GALNT10: variants seen among roughly 807,000 people sequenced by gnomAD.
GALNT10 encodes the protein GalNAc transferase 10.
A neutral mutation model predicts 75.0 loss-of-function variants in GALNT10; 41 were observed. The observed-to-expected ratio is 0.55, with a 90% CI of 0.43 to 0.71. GALNT10 has a LOEUF of 0.71. Among genes scored for constraint, GALNT10 ranks in the 30% least tolerant of loss-of-function variants. The probability of loss-of-function intolerance (pLI) is 0.00; values close to 1 mark genes in which losing one functional copy is unlikely to be tolerated. For missense variants in GALNT10, 727 were observed against 818.5 expected (o/e 0.89, Z 1.36); for synonymous variants, 302 against 313.0 (o/e 0.96, Z 0.37).
chr5:154,300,522 T>C (rs774027467), intron 3 of GALNT10, among the ~76,000 whole-genome samples: 7 of 152,108 alleles, frequency 4.6e-5, no homozygotes, highest in Non-Finnish European at 1.0e-4. Context: ...ATAATGAGGG[T>C]TGAGAATCAC....
chr5:154,412,334 A>G lies in GALNT10; in HGVS notation c.1387-555A>G, dbSNP rs897719091. Among the ~76,000 whole-genome samples the G allele has an allele frequency of 1.3e-5, 2 of 152,094 alleles. No individual in the cohort carries two copies. Among genetic ancestry groups the G allele is most frequent in the Non-Finnish European group, 2.9e-5 (2 of 67,992 alleles). Reference sequence around the variant, plus strand: ...AGACTCCTAGCCCAGTGCTCTTCCCACCACACCCGTCTTCATGGTTGAAGG... The same window carrying G: ...AGACTCCTAGCCCAGTGCTCTTCCCGCCACACCCGTCTTCATGGTTGAAGG... On this transcript the variant is annotated intron_variant, in intron 9 of 11. Coordinates refer to ENST00000297107, the MANE Select transcript of GALNT10 (RefSeq NM_198321.4). The surrounding 1 kb of genome is among the most constrained non-coding windows in gnomAD (Gnocchi z 4.2).
intron 1 of GALNT10, among the ~76,000 whole-genome samples, chr5:154,206,297 G>T (rs1252818950): frequency 6.6e-6 from 1 of 152,158 alleles, no homozygotes. Flanking sequence ...TAAACACATG[G>T]TACATACTGC....
At chr5:154,241,644 G>A (rs1002245065) in intron 1 of GALNT10, among the ~76,000 whole-genome samples, 25 of 151,936 alleles carry the variant, frequency 1.6e-4, no homozygotes, top group Non-Finnish European at 2.6e-4. Context: ...ATTGTGAATA[G>A]GAATTATTTT....
At chr5:154,379,589 C>A (rs985154142) in intron 5 of GALNT10, among the ~76,000 whole-genome samples, 3 of 152,210 alleles carry the variant, frequency 2.0e-5, no homozygotes, top group Admixed American at 6.5e-5. Flanking sequence ...TGTTACCCCC[C>A]AGCTGTGGTC....
chr5:154,231,401 A>G (rs997753602), intron 1 of GALNT10, among the ~76,000 whole-genome samples: 1 of 152,220 alleles, frequency 6.6e-6, no homozygotes, highest in Non-Finnish European at 1.5e-5. Context: ...AGCCCATTGA[A>G]TTCAGAAGTC....
rs1756530686 is a variant in GALNT10, at chr5:154,417,129, C to T, written c.*157C>T. 1 of 653,384 alleles carries T rather than the reference C, an allele frequency of 1.5e-6. No homozygotes were observed. Among genetic ancestry groups the T allele is most frequent in the Middle Eastern group, 4.2e-4 (1 of 2,374 alleles). The allele number at this position is 653,384 out of a possible 1,614,324, so 40.5% of individuals were successfully genotyped here. A position where few individuals can be genotyped will look rare whatever the true frequency, so the allele number is the denominator to read the frequency against. ...TCTTGATTCAGGGGCTGGGGTCTGC[C>T]TGGTCCTTGAGCCCCTGAGTTGTGG... On this transcript the variant is annotated 3_prime_UTR_variant, in exon 12 of 12. Coordinates refer to ENST00000297107, the MANE Select transcript of GALNT10 (RefSeq NM_198321.4).
intron 1 of GALNT10, among the ~76,000 whole-genome samples, chr5:154,227,825 G>A (rs905259632): frequency 6.6e-6 from 1 of 151,618 alleles, no homozygotes; most frequent in African/African-American, 2.4e-5. Flanking sequence ...TCCATTTTGA[G>A]TTAATTTTTG....
intron 4 of GALNT10, among the ~76,000 whole-genome samples, chr5:154,342,587 C>A (rs1755049886): frequency 1.3e-5 from 2 of 152,170 alleles, no homozygotes; most frequent in African/African-American, 4.8e-5. Context: ...CCAGGCATGG[C>A]AGGTCACTAA....
At chr5:154,212,627 C>T (rs1488398095) in intron 1 of GALNT10, among the ~76,000 whole-genome samples, 2 of 152,180 alleles carry the variant, frequency 1.3e-5, no homozygotes, top group East Asian at 3.8e-4. Flanking sequence ...AGCACGATGG[C>T]ACAGCTTGTA....
chr5:154,354,301 C>T (rs1257116205), intron 4 of GALNT10, among the ~76,000 whole-genome samples: 1 of 152,086 alleles, frequency 6.6e-6, no homozygotes, highest in African/African-American at 2.4e-5. Context: ...GGAGTGTGAG[C>T]CTGAGACAGC....
intron 7 of GALNT10, 25 bp downstream of exon 7, chr5:154,386,455 G>A (rs572743603): frequency 4.1e-5 from 59 of 1,430,026 alleles, no homozygotes; most frequent in East Asian, 1.1e-4. Context: ...CAGACGCCCC[G>A]TTCTTGGCAC....
chr5:154,230,248 C>T (rs1753128031), intron 1 of GALNT10, among the ~76,000 whole-genome samples: 1 of 152,174 alleles, frequency 6.6e-6, no homozygotes, highest in African/African-American at 2.4e-5. Flanking sequence ...TATGTCAAAC[C>T]TCTCTTCAGT....
chr5:154,267,508 C>A (rs1581947108), intron 1 of GALNT10, among the ~76,000 whole-genome samples: 1 of 152,272 alleles, frequency 6.6e-6, no homozygotes, highest in East Asian at 1.9e-4. Context: ...TCTTAAAAAA[C>A]AGTTTAGGTT....
chr5:154,232,687 C>T (rs1022607843), intron 1 of GALNT10, among the ~76,000 whole-genome samples: 4 of 152,106 alleles, frequency 2.6e-5, no homozygotes, highest in Non-Finnish European at 5.9e-5. Flanking sequence ...GTACAGGGGT[C>T]ATGAGGCTGC....
rs144197320 is a variant in GALNT10 at position 154,364,475 on chromosome 5, T to A, written c.569-11802T>A. On this transcript the variant is annotated intron_variant, in intron 4 of 11. Transcript: ENST00000297107. ...AGGAAGAGGCCCTGAATGGGAGGTTTCAAAATATTTGGTGTTGGATTGGGT... is the reference window on the plus strand; with the variant it reads ...AGGAAGAGGCCCTGAATGGGAGGTTACAAAATATTTGGTGTTGGATTGGGT... Among the ~76,000 whole-genome samples the A allele has an allele frequency of 3.3e-3, 503 of 152,254 alleles. 4 individuals are homozygous for A. Among genetic ancestry groups the A allele is most frequent in the African/African-American group, 0.011 (477 of 41,556 alleles).
chr5:154,377,469 CTG>C (rs1054374499), intron 5 of GALNT10, among the ~76,000 whole-genome samples: 7 of 152,220 alleles, frequency 4.6e-5, no homozygotes, highest in African/African-American at 1.4e-4. Context: ...ACCTGAAAGA[CTG>C]TGAAAACACA....
In GALNT10 at chr5:154,409,867, G is replaced by A. The variant is rs959926496; in HGVS notation, c.1386+105G>A. The A allele has an allele frequency of 5.3e-5, 41 of 767,862 alleles. 1 individual carries two copies. The highest frequency in any genetic ancestry group is 2.0e-4 in the East Asian group (8 of 40,742). The allele number at this position is 767,862 out of a possible 1,614,324, so 47.6% of individuals were successfully genotyped here. A position where few individuals can be genotyped will look rare whatever the true frequency, so the allele number is the denominator to read the frequency against. On this transcript the variant is annotated intron_variant, in intron 9 of 11. Transcript: ENST00000297107. This position sits in a 1 kb window ranked among gnomAD's most constrained non-coding sequence, Gnocchi z 4.5. Reference sequence around the variant, plus strand: ...GAAAGTCAGTGCAGGGAGGAAAGGCGTGAATATAAAATCGTTTCCTTTCTT... The same window carrying A: ...GAAAGTCAGTGCAGGGAGGAAAGGCATGAATATAAAATCGTTTCCTTTCTT...
intron 8 of GALNT10, among the ~76,000 whole-genome samples, chr5:154,407,656 A>G (rs1232466919): frequency 6.6e-6 from 1 of 152,208 alleles, no homozygotes; most frequent in Non-Finnish European, 1.5e-5. Context: ...ACATACTGGA[A>G]AAAGCAGAGG....
chr5:154,332,438 C>T (rs1158789393), intron 4 of GALNT10, among the ~76,000 whole-genome samples: 1 of 152,192 alleles, frequency 6.6e-6, no homozygotes, highest in African/African-American at 2.4e-5. Flanking sequence ...TGCCCTTCCT[C>T]TGCCTGAACG....
Sources: gnomAD v4.1 joint callset for allele counts (sites outside exome capture counted in the v4.1 genomes callset) on GRCh38, gnomAD v4.1.1 for gene constraint, Gnocchi (gnomAD v3.1) non-coding constraint, MANE v1.5 for transcripts, NCBI Gene and HGNC (gene_info 2026-07-23, HGNC 2026-07-21) for gene names.